AMD1: variants seen among roughly 807,000 people sequenced by gnomAD.
AMD1 encodes adenosylmethionine decarboxylase 1, also known as S-adenosylmethionine decarboxylase proenzyme.
A neutral mutation model predicts 40.2 loss-of-function variants in AMD1; 11 were observed. That is an observed-to-expected ratio of 0.27 (90% CI 0.17 to 0.45). The LOEUF is 0.45. Among genes scored for constraint, AMD1 ranks in the 20% least tolerant of loss-of-function variants. The pLI is 1.00. For synonymous variants in AMD1, 121 were observed against 130.8 expected (o/e 0.93, Z 0.51); for missense variants, 257 against 410.2 (o/e 0.63, Z 3.23).
the AMD1 span, among the ~76,000 whole-genome samples, chr6:110,867,434 AG>A: frequency 6.6e-6 from 1 of 151,974 alleles, no homozygotes; most frequent in Non-Finnish European, 1.5e-5. Context: ...GGAGGCTGAG[AG>A]GGGGGATCAC....
At chr6:110,843,049 C>T in the AMD1 span, among the ~76,000 whole-genome samples, 3 of 151,982 alleles carry the variant, frequency 2.0e-5, no homozygotes, top group Non-Finnish European at 4.4e-5. Context: ...AGGAGAATTG[C>T]TTGTACCTGG....
chr6:110,820,899 A>G, the AMD1 span, among the ~76,000 whole-genome samples: 1 of 152,274 alleles, frequency 6.6e-6, no homozygotes, highest in South Asian at 2.1e-4. Context: ...AGCCTGGGCA[A>G]CAGGGCAAGA....
chr6:110,828,871 G>A, the AMD1 span, among the ~76,000 whole-genome samples: 1 of 152,034 alleles, frequency 6.6e-6, no homozygotes, highest in African/African-American at 2.4e-5. Flanking sequence ...CATCTGTCCT[G>A]CTGTTAAAGC....
the AMD1 span, chr6:110,815,941 GC>G: frequency 6.6e-6 from 1 of 152,382 alleles, no homozygotes; most frequent in Admixed American, 6.6e-5. Flanking sequence ...ATTGGCGGGG[GC>G]TGGAGAATGA....
chr6:110,849,518 C>T, the AMD1 span, among the ~76,000 whole-genome samples: 1 of 152,150 alleles, frequency 6.6e-6, no homozygotes, highest in African/African-American at 2.4e-5. Flanking sequence ...TTTAGAGGAT[C>T]TAAAGTCACC....
At position 110,892,331 on chromosome 6, in the gene AMD1, G is replaced by T. The variant is rs577588960; in HGVS notation, c.503G>T (p.Arg168Leu). ...YLYTLDFPES[R>L]VISQPDQTLE... The stretch of plus-strand genomic sequence containing the variant: ...TATACTCTGGATTTCCCAGAGAGTC[G>T]GGTAATCAGTCAGCCAGATCAAACC... The change falls in exon 6 of 9, where the codon CGG becomes CTG. Residue 168 changes from arginine to leucine, a missense_variant. Around this residue, in one of 3 missense-constraint regions of AMD1, gnomAD observed 192 missense variants for 296.5 expected, o/e 0.65. Coordinates refer to ENST00000368885, the MANE Select transcript of AMD1 (RefSeq NM_001634.6). 1.2e-6 allele frequency: 2 copies of T among 1,613,540 alleles called. No homozygotes were observed. Among genetic ancestry groups the T allele is most frequent in the South Asian group, 2.2e-5 (2 of 91,048 alleles).
At chr6:110,819,662 CA>C in the AMD1 span, among the ~76,000 whole-genome samples, 1 of 152,174 alleles carries the variant, frequency 6.6e-6, no homozygotes, top group East Asian at 1.9e-4. Flanking sequence ...AAATAACTGT[CA>C]GGCATTTGAA....
At chr6:110,869,051 C>G in the AMD1 span, among the ~76,000 whole-genome samples, 1 of 149,878 alleles carries the variant, frequency 6.7e-6, no homozygotes, top group African/African-American at 2.5e-5. Context: ...AAGAGCGAAA[C>G]TCGTTCTCAA....
the AMD1 span, among the ~76,000 whole-genome samples, chr6:110,855,072 T>TTTTTTTTTTTTTG: frequency 7.0e-6 from 1 of 143,230 alleles, no homozygotes; most frequent in Non-Finnish European, 1.5e-5. Flanking sequence ...TCTCTTTTTT[T>TTTTTTTTTTTTTG]TTTTTTTTTT....
the AMD1 span, among the ~76,000 whole-genome samples, chr6:110,847,395 G>A: frequency 2.2e-4 from 33 of 151,868 alleles, no homozygotes; most frequent in South Asian, 6.4e-3. Flanking sequence ...CATGGTGGTG[G>A]GTGCCTGTAG....
At chr6:110,892,031 C>A in intron 4 of AMD1, 130 bp from the exon 5 acceptor site, 1 of 1,096,430 alleles carries the variant, frequency 9.1e-7, no homozygotes. Flanking sequence ...CTACTATGCC[C>A]AGTCCACTGA....
chr6:110,819,817 C>T, the AMD1 span, among the ~76,000 whole-genome samples: 3 of 152,186 alleles, frequency 2.0e-5, no homozygotes, highest in African/African-American at 7.2e-5. Flanking sequence ...TGATAAGATG[C>T]AGTAAAGAAG....
chr6:110,824,701 TA>T, the AMD1 span, among the ~76,000 whole-genome samples: 1 of 152,130 alleles, frequency 6.6e-6, no homozygotes, highest in Non-Finnish European at 1.5e-5. Context: ...AATTAAATTT[TA>T]TAAAGAGCAT....
At chr6:110,829,035 T>C in the AMD1 span, among the ~76,000 whole-genome samples, 1 of 152,120 alleles carries the variant, frequency 6.6e-6, no homozygotes, top group Non-Finnish European at 1.5e-5. Flanking sequence ...CCAGGCATGG[T>C]GGCAGGTGCC....
the AMD1 span, among the ~76,000 whole-genome samples, chr6:110,847,150 C>T: frequency 6.6e-6 from 1 of 151,714 alleles, no homozygotes; most frequent in Admixed American, 6.6e-5. Flanking sequence ...TGGGGGCTGG[C>T]TAAGCAAGTC....
At chr6:110,815,394 C>G in the AMD1 span, 4 of 360,922 alleles carry the variant, frequency 1.1e-5, no homozygotes, top group Non-Finnish European at 2.0e-5. Flanking sequence ...CCAGTCCCGC[C>G]TCCCTCCTTC....
At chr6:110,892,115 T>C (rs181445129) in intron 4 of AMD1, 46 bp from the exon 5 acceptor site, 1 of 1,599,582 alleles carries the variant, frequency 6.3e-7, no homozygotes, top group African/African-American at 1.3e-5. Flanking sequence ...AACCATCCTA[T>C]TAAATGGATG....
chr6:110,877,485 C>G (rs1002755731), intron 1 of AMD1, among the ~76,000 whole-genome samples: 3 of 152,220 alleles, frequency 2.0e-5, no homozygotes, highest in Non-Finnish European at 4.4e-5. Context: ...CCCCAGAGAC[C>G]CCAGGGAAGG....
chr6:110,846,511 C>T, the AMD1 span, among the ~76,000 whole-genome samples: 11 of 152,260 alleles, frequency 7.2e-5, no homozygotes, highest in African/African-American at 1.2e-4. Context: ...TTAACATTTA[C>T]GATTAAATTC....
Sources: gnomAD v4.1 joint callset for allele counts (sites outside exome capture counted in the v4.1 genomes callset) on GRCh38, gnomAD v4.1.1 for gene constraint, gnomAD v4.1.1 regional missense constraint, MANE v1.5 for transcripts, NCBI Gene and HGNC (gene_info 2026-07-23, HGNC 2026-07-21) for gene names.